ZER1: variants seen among roughly 807,000 people sequenced by gnomAD.
The protein encoded by ZER1 is zyg-11 related cell cycle regulator, also known as protein zer-1 homolog.
In ZER1, 11 loss-of-function variants were observed where a neutral mutation model predicts 78.8. The observed-to-expected ratio is 0.14, with a 90% CI of 0.09 to 0.23. The LOEUF is 0.23. Ranked by LOEUF, ZER1 falls within the 10% of genes least tolerant of loss-of-function variation. The probability of loss-of-function intolerance (pLI) is 1.00; values close to 1 mark genes in which losing one functional copy is unlikely to be tolerated. For missense variants in ZER1, 588 were observed against 996.9 expected, an observed-to-expected ratio of 0.59 and a Z score of 5.52; for synonymous variants, 400 against 407.0, an observed-to-expected ratio of 0.98 and a Z score of 0.21.
Position 128,742,454 on chromosome 9 carries a change from G to A in ZER1, c.1575+76C>T, listed in dbSNP as rs1863333482. 6 of 1,552,680 alleles carry A rather than the reference G, an allele frequency of 3.9e-6. No homozygotes were observed. In the South Asian group the frequency reaches 4.6e-5, roughly 12 times the overall value. ...CTCCCAGCCCCAGGCCCTGCTCTGAGACTCTCGCTCAGGGTAGAGGGGTGG... is the reference window on the plus strand; with the variant it reads ...CTCCCAGCCCCAGGCCCTGCTCTGAAACTCTCGCTCAGGGTAGAGGGGTGG... On this transcript the variant is annotated intron_variant, in intron 9 of 15. Transcript: ENST00000291900.
At chr9:128,734,635 C>G (rs1002710809) in intron 14 of ZER1, among the ~76,000 whole-genome samples, 3 of 151,966 alleles carry the variant, frequency 2.0e-5, no homozygotes, top group Non-Finnish European at 2.9e-5. Context: ...TGCCTGGCCT[C>G]CAGCGCTCAT....
chr9:128,752,563 C>T (rs564650535), intron 5 of ZER1, 110 bp downstream of exon 5: 42 of 1,218,798 alleles, frequency 3.4e-5, no homozygotes, highest in South Asian at 2.1e-4. Context: ...TCAAGTGATC[C>T]GCCCATCTTG....
chr9:128,756,363 G>A (rs954068649), intron 1 of ZER1, among the ~76,000 whole-genome samples: 4 of 152,046 alleles, frequency 2.6e-5, no homozygotes, highest in South Asian at 2.1e-4. Context: ...GGAGAATGGC[G>A]GAGTGCGGTG....
intron 1 of ZER1, among the ~76,000 whole-genome samples, chr9:128,765,675 C>A (rs890634983): frequency 6.6e-6 from 1 of 152,100 alleles, no homozygotes; most frequent in Non-Finnish European, 1.5e-5. Flanking sequence ...AACCTAGGAG[C>A]TGGGGGGAAA....
chr9:128,769,575 G>A (rs1041196465), intron 1 of ZER1, among the ~76,000 whole-genome samples: 7 of 151,734 alleles, frequency 4.6e-5, no homozygotes, highest in East Asian at 3.9e-4. Context: ...CACCACACCC[G>A]GCTAATTTTT....
At chr9:128,746,497 T>C (rs1236806840) in intron 8 of ZER1, among the ~76,000 whole-genome samples, 2 of 150,502 alleles carry the variant, frequency 1.3e-5, no homozygotes, top group African/African-American at 4.9e-5. Context: ...GTCTCCTCTG[T>C]TGCCCAGGCT....
intron 1 of ZER1, among the ~76,000 whole-genome samples, chr9:128,770,737 C>T (rs764920182): frequency 5.9e-5 from 9 of 152,176 alleles, no homozygotes; most frequent in Non-Finnish European, 8.8e-5. Flanking sequence ...TAAGTATAGC[C>T]TCCCGTGACC....
chr9:128,758,975 T>C (rs1382156484), intron 1 of ZER1, among the ~76,000 whole-genome samples: 1 of 151,950 alleles, frequency 6.6e-6, no homozygotes, highest in African/African-American at 2.4e-5. Flanking sequence ...CTGTGTATCA[T>C]GATGTGTGTA....
chr9:128,769,054 T>C (rs1864303319), intron 1 of ZER1, among the ~76,000 whole-genome samples: 1 of 152,124 alleles, frequency 6.6e-6, no homozygotes, highest in Non-Finnish European at 1.5e-5. Context: ...GGGCTCTTTT[T>C]TAAAAGTCCC....
chr9:128,744,968 C>T (rs764743813), intron 8 of ZER1, among the ~76,000 whole-genome samples: 1 of 152,108 alleles, frequency 6.6e-6, no homozygotes, highest in Non-Finnish European at 1.5e-5. Context: ...TGTATTATAC[C>T]TGCATCCTGG....
intron 15 of ZER1, 114 bp downstream of exon 15, chr9:128,733,312 A>C: frequency 1.2e-6 from 1 of 817,086 alleles, no homozygotes. Flanking sequence ...CTCCATACTC[A>C]ACTCTAAGCT....
intron 1 of ZER1, among the ~76,000 whole-genome samples, chr9:128,767,272 G>C (rs1864244683): frequency 6.6e-6 from 1 of 151,234 alleles, no homozygotes; most frequent in Admixed American, 6.6e-5. Context: ...TAAGAGACAG[G>C]GTCTCACTCT....
At position 128,731,470 on chromosome 9, in the gene ZER1, G is replaced by A; in HGVS notation, c.2244-76C>T. 3 of 1,261,980 alleles carry A rather than the reference G, an allele frequency of 2.4e-6. No homozygotes were observed. The South Asian group carries it at 3.8e-5, about 16-fold the overall frequency. The allele number at this position is 1,261,980 out of a possible 1,614,324, so 78.2% of individuals were successfully genotyped here. On this transcript the variant is annotated intron_variant, in intron 15 of 15. Transcript: ENST00000291900. Reference sequence around the variant, plus strand: ...AGCCCAGCCCCTCCGAGATCATTAGGCAGCTGGGTAAACACGTGTTCATAG... The same window carrying A: ...AGCCCAGCCCCTCCGAGATCATTAGACAGCTGGGTAAACACGTGTTCATAG...
At position 128,734,144 on chromosome 9, in the gene ZER1, A is replaced by AAAT; in HGVS notation, c.2141-617_2141-616insATT. On this transcript the variant is annotated intron_variant, in intron 14 of 15. Transcript: ENST00000291900. ...CTCCGTCTCAAAAAAAAAAAAAAAA[A>AAAT]ATATATATATATATATATAAAATCT... 2.2e-3 allele frequency among the ~76,000 whole-genome samples: 32 copies of AAAT among 14,448 alleles called. 3 individuals carry two copies. Among genetic ancestry groups the AAAT allele is most frequent in the Non-Finnish European group, 4.2e-3 (29 of 6,978 alleles). 9.5% of individuals were successfully genotyped at this position (14,448 alleles called of 152,430 possible). A position where few individuals can be genotyped will look rare whatever the true frequency, so the allele number is the denominator to read the frequency against.
At chr9:128,731,424 G>T in intron 15 of ZER1, 30 bp from the exon 16 acceptor site, 3 of 1,412,854 alleles carry the variant, frequency 2.1e-6, no homozygotes, top group Non-Finnish European at 2.0e-6. Flanking sequence ...CAGGATTGGA[G>T]GGTGGGCTTG....
chr9:128,734,144 A>AATATATATATATATATATATATATAT (rs1220785593), intron 14 of ZER1, among the ~76,000 whole-genome samples: 27 of 14,286 alleles, frequency 1.9e-3, no homozygotes, highest in African/African-American at 2.2e-3. Context: ...AAAAAAAAAA[A>AATATATATATATATATATATATATAT]ATATATATAT....
intron 1 of ZER1, among the ~76,000 whole-genome samples, chr9:128,757,117 A>G (rs150308621): frequency 1.2e-4 from 18 of 152,344 alleles, no homozygotes; most frequent in Admixed American, 1.1e-3. Flanking sequence ...GGTTTCTAGA[A>G]GAAAACACAG....
At chr9:128,763,148 G>T (rs1452589618) in intron 1 of ZER1, among the ~76,000 whole-genome samples, 2 of 152,110 alleles carry the variant, frequency 1.3e-5, no homozygotes, top group Non-Finnish European at 2.9e-5. Flanking sequence ...TTTAAATACT[G>T]CCTTCTCCCC....
chr9:128,731,437 T>TGGGGGGGTTGGGGGGGGGGGGGTGGGGG, intron 15 of ZER1, 43 bp from the exon 16 acceptor site: 1 of 451,614 alleles, frequency 2.2e-6, no homozygotes, highest in Non-Finnish European at 4.3e-6. Flanking sequence ...TGGGCTTGGG[T>TGGGGGGGTTGGGGGGGGGGGGGTGGGGG]GGGGGTGAGC....
Sources: gnomAD v4.1 joint callset for allele counts (sites outside exome capture counted in the v4.1 genomes callset) on GRCh38, gnomAD v4.1.1 for gene constraint, MANE v1.5 for transcripts, NCBI Gene and HGNC (gene_info 2026-07-23, HGNC 2026-07-21) for gene names.